The following CIT variants were observed in gnomAD, a reference collection of about 807,000 sequenced individuals.
CIT encodes the protein citron rho-interacting serine/threonine kinase.
A neutral mutation model predicts 272.7 loss-of-function variants in CIT; 79 were observed. The ratio of observed to expected loss-of-function variants is 0.29; its 90% CI spans 0.24 to 0.35. The LOEUF is 0.35. Among genes scored for constraint, CIT ranks in the 10% least tolerant of loss-of-function variants. The pLI is 1.00. For synonymous variants in CIT, 948 were observed against 995.6 expected (o/e 0.95, Z 0.90); for missense variants, 1,909 against 2,618.3 (o/e 0.73, Z 5.91).
intron 24 of CIT, among the ~76,000 whole-genome samples, chr12:119,740,369 G>T (rs1008615889): frequency 6.6e-6 from 1 of 152,138 alleles, no homozygotes; most frequent in Admixed American, 6.5e-5. Context: ...TGAGGGTCAT[G>T]AATACAATAA....
At chr12:119,706,976 G>A (rs767175207) in intron 40 of CIT, among the ~76,000 whole-genome samples, 3 of 152,112 alleles carry the variant, frequency 2.0e-5, no homozygotes, top group Non-Finnish European at 4.4e-5. Context: ...GACTAAAGAA[G>A]CAAACAAAGG....
chr12:119,706,796 T>C (rs1347186432), intron 40 of CIT, among the ~76,000 whole-genome samples: 1 of 152,262 alleles, frequency 6.6e-6, no homozygotes, highest in Non-Finnish European at 1.5e-5. Context: ...CCTTTGGGTA[T>C]ATACCCAGTA....
At chr12:119,811,033 C>T (rs142386799) in intron 9 of CIT, among the ~76,000 whole-genome samples, 6 of 152,190 alleles carry the variant, frequency 3.9e-5, no homozygotes, top group East Asian at 3.9e-4. Flanking sequence ...ACTGTATATA[C>T]GAAGTTCAAG....
intron 19 of CIT, 73 bp downstream of exon 19, chr12:119,767,014 A>G: frequency 9.2e-7 from 1 of 1,084,420 alleles, no homozygotes; most frequent in Non-Finnish European, 1.3e-6. Flanking sequence ...AATGGCCACA[A>G]GGGCCCAGGA....
Position 119,775,970 on chromosome 12 carries a change from GAGAGGAAGA to G in CIT, c.1888-140_1888-132del, listed in dbSNP as rs1195660301. The G allele has an allele frequency of 1.4e-4, 95 of 685,960 alleles. No individual in the cohort carries two copies. In the South Asian group the frequency reaches 1.8e-3, roughly 13 times the overall value. 42.5% of individuals were successfully genotyped at this position (685,960 alleles called of 1,614,324 possible). Reference sequence around the variant, plus strand: ...TTTGGGTTTCCAGAACCTATTAAGGGAGAGGAAGAACAGTGGCCTCTCAGGGAAGACTTT... The same window carrying G: ...TTTGGGTTTCCAGAACCTATTAAGGGACAGTGGCCTCTCAGGGAAGACTTT... On this transcript the variant is annotated intron_variant, in intron 15 of 47. Coordinates refer to ENST00000392521, the MANE Select transcript of CIT (RefSeq NM_001206999.2).
At chr12:119,806,633 C>T in intron 9 of CIT, among the ~76,000 whole-genome samples, 1 of 149,744 alleles carries the variant, frequency 6.7e-6, no homozygotes, top group East Asian at 2.0e-4. Context: ...ACCCCCACCC[C>T]AACAACCTCC....
chr12:119,758,773 A>C, intron 20 of CIT, 73 bp from the exon 21 acceptor site: 1 of 994,604 alleles, frequency 1.0e-6, no homozygotes. Context: ...GCCAGGGTAA[A>C]AGTTTCATCT....
intron 47 of CIT, among the ~76,000 whole-genome samples, chr12:119,689,214 CAAAA>C (rs1955779456): frequency 1.5e-5 from 2 of 135,430 alleles, no homozygotes; most frequent in South Asian, 4.5e-4. Flanking sequence ...AACAAACAAA[CAAAA>C]AGTGGGGGAA....
chr12:119,797,528 C>T (rs1294787729), intron 10 of CIT, among the ~76,000 whole-genome samples: 1 of 152,184 alleles, frequency 6.6e-6, no homozygotes, highest in Non-Finnish European at 1.5e-5. Flanking sequence ...CACTTGAGAG[C>T]AATAACCATG....
intron 32 of CIT, among the ~76,000 whole-genome samples, chr12:119,717,934 G>A (rs566731028): frequency 7.0e-6 from 1 of 142,646 alleles, no homozygotes; most frequent in South Asian, 2.2e-4. Flanking sequence ...TCCGCCTCCC[G>A]GATTCAAGCA....
intron 19 of CIT, among the ~76,000 whole-genome samples, chr12:119,765,839 G>C (rs1418196060): frequency 6.6e-6 from 1 of 151,944 alleles, no homozygotes; most frequent in Non-Finnish European, 1.5e-5. Context: ...AAATTGTAAA[G>C]AAAAAGCCAA....
chr12:119,809,472 G>A (rs1203252909), intron 9 of CIT, among the ~76,000 whole-genome samples: 3 of 152,068 alleles, frequency 2.0e-5, no homozygotes, highest in East Asian at 1.9e-4. Flanking sequence ...TTTCATCCAC[G>A]GTTCCTGGCT....
At chr12:119,823,009 T>C (rs992563641) in intron 8 of CIT, 36 bp from the exon 9 acceptor site, 4 of 1,566,138 alleles carry the variant, frequency 2.6e-6, no homozygotes, top group African/African-American at 1.4e-5. Context: ...ATTTCCTTAG[T>C]AGGGATTCCG....
In CIT at chr12:119,784,632, T is replaced by G; in HGVS notation, c.1401+328A>C. ...ACTAGGAAGAGAGACTTCGCATCAC[T>G]CAAAGCAGATGGGATGTATCTCAGC... On this transcript the variant is annotated intron_variant, in intron 11 of 47. Coordinates refer to ENST00000392521, the MANE Select transcript of CIT (RefSeq NM_001206999.2). The surrounding 1 kb of genome is among the most constrained non-coding windows in gnomAD (Gnocchi z 4.7). 4 of 1,229,962 alleles carry G rather than the reference T, an allele frequency of 3.3e-6. No homozygotes were observed. The highest frequency in any genetic ancestry group is 4.1e-6 in the Non-Finnish European group (4 of 979,106). The allele number at this position is 1,229,962 out of a possible 1,614,324, so 76.2% of individuals were successfully genotyped here. A position where few individuals can be genotyped will look rare whatever the true frequency, so the allele number is the denominator to read the frequency against.
At chr12:119,774,122 T>C (rs1963488699) in intron 16 of CIT, among the ~76,000 whole-genome samples, 1 of 152,052 alleles carries the variant, frequency 6.6e-6, no homozygotes, top group African/African-American at 2.4e-5. Context: ...AAACAGAAAG[T>C]AGAAAGGTAG....
chr12:119,814,502 C>T (rs1248606148), intron 9 of CIT, among the ~76,000 whole-genome samples: 2 of 152,122 alleles, frequency 1.3e-5, no homozygotes, highest in Non-Finnish European at 1.5e-5. Context: ...GCTCCCCTTC[C>T]CGTCCATGCT....
At chr12:119,850,951 G>A (rs1970189189) in intron 4 of CIT, among the ~76,000 whole-genome samples, 1 of 152,202 alleles carries the variant, frequency 6.6e-6, no homozygotes, top group South Asian at 2.1e-4. Flanking sequence ...GATGCATACA[G>A]ATGCATAAAA....
At chr12:119,761,809 T>C (rs1961835423) in intron 19 of CIT, among the ~76,000 whole-genome samples, 1 of 152,192 alleles carries the variant, frequency 6.6e-6, no homozygotes, top group Non-Finnish European at 1.5e-5. Context: ...AAGCACCTAC[T>C]GTTCCCAAGA....
chr12:119,757,228 C>T (rs1593616841), intron 22 of CIT, 143 bp downstream of exon 22: 1 of 1,057,860 alleles, frequency 9.5e-7, no homozygotes, highest in Admixed American at 2.2e-5. Flanking sequence ...GCCTCCAGAC[C>T]CTTTTCTCCT....
Sources: gnomAD v4.1 joint callset for allele counts (sites outside exome capture counted in the v4.1 genomes callset) on GRCh38, gnomAD v4.1.1 for gene constraint, Gnocchi (gnomAD v3.1) non-coding constraint, MANE v1.5 for transcripts, NCBI Gene and HGNC (gene_info 2026-07-23, HGNC 2026-07-21) for gene names.